The following METTL17 variants were observed in gnomAD, a reference collection of about 807,000 sequenced individuals.
The protein encoded by METTL17 is methyltransferase like 17.
A neutral mutation model predicts 59.4 loss-of-function variants in METTL17; 49 were observed. That is an observed-to-expected ratio of 0.82 (90% confidence interval 0.66 to 1.05). METTL17 has a LOEUF of 1.05. METTL17 is among the 50% of genes least tolerant of loss of function. The pLI is 0.00. For missense variants in METTL17, 555 were observed against 578.4 expected (o/e 0.96, Z 0.41); for synonymous variants, 208 against 209.2 (o/e 0.99, Z 0.05).
At chr14:20,993,768 C>T in intron 6 of METTL17, 2 of 391,086 alleles carry the variant, frequency 5.1e-6, no homozygotes, top group Non-Finnish European at 9.2e-6. Context: ...CCACTGTGCC[C>T]AGCTGAGTCT....
At position 20,994,609 on chromosome 14, in the gene METTL17, C is replaced by T. The variant is rs776990635; in HGVS notation, c.764C>T (p.Pro255Leu). Residue 255 changes from proline (P) to leucine (L), a missense_variant, in exon 8 of 14, where the codon CCC becomes CTC. Pro to Leu is a moderately conservative substitution (Grantham distance 98, BLOSUM62 -3). Coordinates refer to ENST00000339374, the MANE Select transcript of METTL17 (RefSeq NM_022734.3). ...TTCAGACAGTTTCTACCTGTATCAC[C>T]CAAGGCAAGTGGCAGTGTTTAGAAT... is the stretch of plus-strand genomic sequence containing the variant. ...VFFRQFLPVS[P>L]KVQFDVVVSA... 2 of 1,613,920 alleles carry T rather than the reference C, an allele frequency of 1.2e-6. No individual in the cohort carries two copies. Among genetic ancestry groups the T allele is most frequent in the South Asian group, 2.2e-5 (2 of 91,082 alleles).
chr14:20,996,209 T>G lies in METTL17; in HGVS notation c.997T>G (p.Cys333Gly). Residue 333 changes from cysteine (C) to glycine (G), a missense_variant and splice_region_variant, in exon 12 of 14, where the codon TGT (cysteine) becomes GGT (glycine). By Grantham distance (159) the Cys-to-Gly change is radical. Coordinates refer to ENST00000339374, the MANE Select transcript of METTL17 (RefSeq NM_022734.3). ...DPRPGFVFAP[C>G]PHELPCPQLT... ...ACCTCATTTTTTTATGTGTTCACAGTGTCCCCATGAACTCCCTTGTCCCCA... is the reference window on the plus strand; with the variant it reads ...ACCTCATTTTTTTATGTGTTCACAGGGTCCCCATGAACTCCCTTGTCCCCA... The G allele has an allele frequency of 1.1e-5, 18 of 1,613,416 alleles. No individual in the cohort carries two copies. The highest frequency in any genetic ancestry group is 1.5e-5 in the Non-Finnish European group (18 of 1,179,338).
In METTL17 at chr14:20,996,865, C is replaced by T. The variant is rs144497221; in HGVS notation, c.1346C>T (p.Thr449Met). Residue 449 changes from threonine to methionine, a missense_variant, in exon 14 of 14, where the codon ACG becomes ATG. Coordinates refer to ENST00000339374, the MANE Select transcript of METTL17 (RefSeq NM_022734.3). ...VLTPSAFPPS[T>M]AQDPSES ...ACTCCGTCTGCGTTTCCTCCATCTACGGCTCAGGATCCCTCTGAGAGTTGA... is the reference window on the plus strand; with the variant it reads ...ACTCCGTCTGCGTTTCCTCCATCTATGGCTCAGGATCCCTCTGAGAGTTGA... The T allele has an allele frequency of 1.4e-4, 219 of 1,612,260 alleles. No individual in the cohort carries two copies. The highest frequency in any genetic ancestry group is 5.3e-4 in the African/African-American group (40 of 75,024).
At chr14:20,993,781 C>CTTT in intron 6 of METTL17, 188 bp from the exon 7 acceptor site, 2 of 360,748 alleles carry the variant, frequency 5.5e-6, no homozygotes, top group Non-Finnish European at 1.0e-5. Flanking sequence ...CTGAGTCTAC[C>CTTT]TTTTTTTTTT....
chr14:20,992,124 A>G lies in METTL17; in HGVS notation c.365A>G (p.Asp122Gly), dbSNP rs1880059035. The G allele has an allele frequency of 6.2e-6, 10 of 1,612,990 alleles. No homozygotes were observed. The highest frequency in any genetic ancestry group is 8.5e-6 in the Non-Finnish European group (10 of 1,179,632). ...HLEKKFLENP[D>G]LSQTEEKLRG... is the part of the protein sequence containing the mutation. ...CTTCCAGTCCTTGTTCTCACCACAG[A>G]CTTATCTCAGACAGAGGAGAAACTT... The change falls in exon 4 of 14, where the codon GAC (aspartate) becomes GGC (glycine). Residue 122 changes from aspartate to glycine, a missense_variant and splice_region_variant. Coordinates refer to ENST00000339374, the MANE Select transcript of METTL17 (RefSeq NM_022734.3).
intron 9 of METTL17, 90 bp downstream of exon 9, chr14:20,994,991 A>G: frequency 4.1e-6 from 5 of 1,216,866 alleles, no homozygotes. Flanking sequence ...ATTCTTCACC[A>G]TTTTTCTCCT....
At chr14:20,996,172 C>T (rs1403610796) in intron 11 of METTL17, 37 bp from the exon 12 acceptor site, 1 of 1,578,032 alleles carries the variant, frequency 6.3e-7, no homozygotes, top group Non-Finnish European at 8.7e-7. Context: ...TGATTGATGG[C>T]TCTTTTGTCT....
chr14:20,995,256 T>TC, intron 10 of METTL17, 23 bp downstream of exon 10: 2 of 1,593,460 alleles, frequency 1.3e-6, no homozygotes, highest in Non-Finnish European at 1.7e-6. Context: ...CTTCCCTCAC[T>TC]CCCCCACCCA....
rs1475477076 is a variant in METTL17 at position 20,994,039 on chromosome 14, G to A, written c.673G>A (p.Val225Ile). The change falls in exon 7 of 14, where the codon GTT becomes ATT. Residue 225 changes from valine to isoleucine, a missense_variant. Physicochemically the swap from Val to Ile is conservative, Grantham distance 29 (BLOSUM62 3). Coordinates refer to ENST00000339374, the MANE Select transcript of METTL17 (RefSeq NM_022734.3). ...MCVDRSAAML[V>I]LAEKLLKGGS... ...TGTGGACAGATCAGCTGCCATGTTG[G>A]TTTTGGCAGAAAAACTACTGAAAGG... The A allele has an allele frequency of 1.2e-6, 2 of 1,613,852 alleles. No homozygotes were observed. The highest frequency in any genetic ancestry group is 1.7e-6 in the Non-Finnish European group (2 of 1,179,872).
rs1174216018 is a variant in METTL17, at chr14:20,990,096, T to C, written c.75+19T>C. On this transcript the variant is annotated intron_variant, in intron 1 of 13. Transcript: ENST00000339374. The stretch of plus-strand genomic sequence containing the variant: ...GGCCCGGGTGAGTGCCTACATTCCC[T>C]GCTGTCGGAGAGACTCTGGATCTGC... 2 of 1,612,752 alleles carry C rather than the reference T, an allele frequency of 1.2e-6. No homozygotes were observed. Among genetic ancestry groups the C allele is most frequent in the Non-Finnish European group, 1.7e-6 (2 of 1,180,018 alleles).
At chr14:20,994,318 C>T (rs1251669010) in intron 7 of METTL17, among the ~76,000 whole-genome samples, 1 of 149,652 alleles carries the variant, frequency 6.7e-6, no homozygotes, top group Non-Finnish European at 1.5e-5. Flanking sequence ...GTAGGGTCTC[C>T]ATATGTTACC....
At chr14:20,993,234 T>G in intron 6 of METTL17, 43 bp downstream of exon 6, 2 of 1,532,322 alleles carry the variant, frequency 1.3e-6, no homozygotes, top group Non-Finnish European at 1.8e-6. Context: ...ATTTTAGCTC[T>G]AGAAAGCCAT....
chr14:20,995,061 T>C (rs1880282982), intron 9 of METTL17, 104 bp from the exon 10 acceptor site: 19 of 1,231,352 alleles, frequency 1.5e-5, no homozygotes, highest in Middle Eastern at 3.8e-4. Context: ...TGCCTATTTC[T>C]TTTTAGGACT....
chr14:20,992,332 T>C (rs1880075202), intron 4 of METTL17, 127 bp downstream of exon 4: 3 of 756,118 alleles, frequency 4.0e-6, no homozygotes, highest in Non-Finnish European at 6.6e-6. Context: ...AGGATCAATT[T>C]AGTATTTGAA....
rs370673958 is a variant in METTL17, at chr14:20,996,194, T to C, written c.997-15T>C. 8 of 1,611,218 alleles carry C rather than the reference T, an allele frequency of 5.0e-6. No homozygotes were observed. The highest frequency in any genetic ancestry group is 6.8e-6 in the Non-Finnish European group (8 of 1,178,130). On this transcript the variant is annotated splice_polypyrimidine_tract_variant and intron_variant, in intron 11 of 13. Transcript: ENST00000339374. ...TGGCTCTTTTGTCTTACCTCATTTT[T>C]TTATGTGTTCACAGTGTCCCCATGA...
At position 20,996,715 on chromosome 14, in the gene METTL17, TG is replaced by T. The variant is rs771419748; in HGVS notation, c.1265+10del. ...TCACAGCCCGCCGGCACGGCAGGTA[TG>T]GGGGGTGTGACCAAAATCAGTGGGA... On this transcript the variant is annotated splice_donor_5th_base_variant and intron_variant, in intron 13 of 13. Transcript: ENST00000339374. 1.2e-5 allele frequency: 19 copies of T among 1,614,084 alleles called. No homozygotes were observed. In the East Asian group the frequency reaches 3.3e-4, roughly 28 times the overall value.
Position 20,990,033 on chromosome 14 carries a change from T to A in METTL17, c.31T>A (p.Leu11Ile), listed in dbSNP as rs778595407. 6.2e-7 allele frequency: 1 copy of A among 1,612,920 alleles called. No individual in the cohort carries two copies. Among genetic ancestry groups the A allele is most frequent in the East Asian group, 2.2e-5 (1 of 44,862 alleles). Residue 11 changes from leucine (L) to isoleucine (I), a missense_variant, in exon 1 of 14, where the codon TTA becomes ATA. Transcript: ENST00000339374. ...GGCGGCACTGAAGTGTCTACTGACA[T>A]TAGGAAGATGGTGCCCCGGCCTTGG... MAAALKCLLT[L>I]GRWCPGLGVA...
intron 3 of METTL17, among the ~76,000 whole-genome samples, chr14:20,990,951 C>T (rs531579651): frequency 1.1e-4 from 16 of 152,188 alleles, no homozygotes; most frequent in African/African-American, 3.6e-4. Context: ...CTGCCTCAGC[C>T]TCTTCAGTAG....
rs761007284 is a variant in METTL17, at chr14:20,993,177, T to C, written c.588T>C (p.Thr196=). Residue 196 remains threonine (T), a synonymous_variant, in exon 6 of 14, where the codon ACT becomes ACC. Transcript: ENST00000339374. ...CTTTGATGGACTTTGGCTCAGGTAC[T>C]GGTTCTGTCACCTGGTGAGTAACTT... ...PQTLMDFGSG[T]GSVTWAAHSI... 9.3e-6 allele frequency: 15 copies of C among 1,614,062 alleles called. No individual in the cohort carries two copies. The South Asian group carries it at 1.2e-4, about 13-fold the overall frequency.
Sources: allele counts gnomAD v4.1 joint callset (sites outside exome capture counted in the v4.1 genomes callset), GRCh38; gene constraint gnomAD v4.1.1; transcripts MANE v1.5; gene names NCBI Gene and HGNC (gene_info 2026-07-23, HGNC 2026-07-21).